PTPRN2: variants seen among roughly 807,000 people sequenced by gnomAD.
PTPRN2 encodes the protein receptor-type tyrosine-protein phosphatase N2.
In PTPRN2, 74 loss-of-function variants were observed where a neutral mutation model predicts 118.8. That is an observed-to-expected ratio of 0.62 (90% CI 0.52 to 0.76). The LOEUF is 0.76. PTPRN2 is among the 30% of genes least tolerant of loss of function. The probability of loss-of-function intolerance (pLI) is 0.00; values close to 1 mark genes in which losing one functional copy is unlikely to be tolerated. For missense variants in PTPRN2, 1,481 were observed against 1,394.4 expected, an observed-to-expected ratio of 1.06 and a Z score of -0.99; for synonymous variants, 641 against 608.0, an observed-to-expected ratio of 1.05 and a Z score of -0.80.
chr7:158,111,942 T>A (rs1391318162), intron 9 of PTPRN2, among the ~76,000 whole-genome samples: 1 of 152,130 alleles, frequency 6.6e-6, no homozygotes, highest in East Asian at 1.9e-4. Flanking sequence ...GGTGTCCGTA[T>A]AAAAGGAGGG....
At chr7:157,883,181 A>G (rs62478062) in intron 12 of PTPRN2, among the ~76,000 whole-genome samples, 132,296 of 150,694 alleles carry the variant, frequency 0.88, 58,258 homozygotes, top group East Asian at 0.99. Context: ...TCGGAGATCA[A>G]AACACATCAC....
At chr7:157,689,982 C>G (rs1398869959) in intron 12 of PTPRN2, among the ~76,000 whole-genome samples, 1 of 152,200 alleles carries the variant, frequency 6.6e-6, no homozygotes, top group Non-Finnish European at 1.5e-5. Flanking sequence ...CCTGGCTGCT[C>G]GCCCCTTCCC....
intron 4 of PTPRN2, among the ~76,000 whole-genome samples, chr7:158,193,493 G>A (rs1825942668): frequency 2.6e-5 from 4 of 152,252 alleles, no homozygotes; most frequent in Admixed American, 2.6e-4. Context: ...GACTCCCCAT[G>A]TTTATGGGGA....
intron 3 of PTPRN2, among the ~76,000 whole-genome samples, chr7:158,208,815 G>T (rs948570750): frequency 1.3e-5 from 2 of 152,104 alleles, no homozygotes; most frequent in African/African-American, 4.8e-5. Context: ...AAGACTAAAA[G>T]ATGAACTTAT....
intron 22 of PTPRN2, among the ~76,000 whole-genome samples, chr7:157,543,836 C>T (rs985763781): frequency 1.3e-5 from 2 of 152,184 alleles, no homozygotes; most frequent in Non-Finnish European, 2.9e-5. Flanking sequence ...TTCAGCTTCT[C>T]TTTTCACAAA....
At chr7:158,322,574 G>A (rs1803122364) in intron 2 of PTPRN2, among the ~76,000 whole-genome samples, 1 of 151,832 alleles carries the variant, frequency 6.6e-6, no homozygotes, top group African/African-American at 2.4e-5. Context: ...GCAGCACCTG[G>A]CCCCAGTGGG....
intron 11 of PTPRN2, among the ~76,000 whole-genome samples, chr7:157,958,470 C>T (rs182562641): frequency 2.2e-4 from 34 of 152,288 alleles, no homozygotes; most frequent in Middle Eastern, 3.4e-3. Flanking sequence ...TTTCTGTTCA[C>T]TTATGATATG....
intron 12 of PTPRN2, among the ~76,000 whole-genome samples, chr7:157,694,818 A>C (rs1380965267): frequency 6.6e-6 from 1 of 151,744 alleles, no homozygotes; most frequent in Non-Finnish European, 1.5e-5. Context: ...AATAAATTTC[A>C]ATTTACATGA....
At chr7:158,355,539 G>T (rs557996886) in intron 2 of PTPRN2, among the ~76,000 whole-genome samples, 1 of 152,234 alleles carries the variant, frequency 6.6e-6, no homozygotes, top group African/African-American at 2.4e-5. Context: ...CCTGCAATGG[G>T]CTGGCCACCA....
intron 14 of PTPRN2, among the ~76,000 whole-genome samples, chr7:157,655,829 T>C (rs1806039870): frequency 6.6e-6 from 1 of 151,998 alleles, no homozygotes; most frequent in African/African-American, 2.4e-5. Context: ...GCGAGGACCC[T>C]GGAAAAGGCC....
At chr7:158,098,458 C>T (rs1814853710) in intron 10 of PTPRN2, among the ~76,000 whole-genome samples, 1 of 152,214 alleles carries the variant, frequency 6.6e-6, no homozygotes. Flanking sequence ...CAGGACTGAG[C>T]CTGGCAAAGC....
intron 11 of PTPRN2, among the ~76,000 whole-genome samples, chr7:157,945,231 C>A (rs552621669): frequency 1.2e-4 from 19 of 152,258 alleles, no homozygotes; most frequent in African/African-American, 4.6e-4. Context: ...ACCTCATGAG[C>A]CCTCATGGTT....
In PTPRN2 at chr7:158,563,065, G is replaced by A. The variant is rs965730303; in HGVS notation, c.112+24493C>T. On this transcript the variant is annotated intron_variant, in intron 1 of 22. Transcript: ENST00000389418. This position sits in a 1 kb window ranked among gnomAD's most constrained non-coding sequence, Gnocchi z 5.1. ...TCCTGGTTTCAGAGAAATCAACCAC[G>A]GCCACAGCCTCGTCCACATAGAGCC... is the stretch of plus-strand genomic sequence containing the variant. Among the ~76,000 whole-genome samples the A allele has an allele frequency of 4.6e-5, 7 of 152,208 alleles. No individual in the cohort carries two copies. The highest frequency in any genetic ancestry group is 3.4e-3 in the Middle Eastern group (1 of 294).
intron 10 of PTPRN2, among the ~76,000 whole-genome samples, chr7:158,097,876 C>A (rs1274843731): frequency 1.4e-4 from 21 of 152,224 alleles, no homozygotes; most frequent in Admixed American, 1.4e-3. Flanking sequence ...GCAGGAGAGT[C>A]TGAGAGTGAC....
intron 3 of PTPRN2, among the ~76,000 whole-genome samples, chr7:158,273,511 GACA>G (rs1563072826): frequency 3.6e-4 from 48 of 134,042 alleles, no homozygotes; most frequent in Admixed American, 6.6e-4. Context: ...GGGAGCCGCA[GACA>G]GACATGGGAG....
At position 157,845,324 on chromosome 7, in the gene PTPRN2, G is replaced by A. The variant is rs1033565149; in HGVS notation, c.1788+53349C>T. Among the ~76,000 whole-genome samples, 8 of 152,176 alleles carry A rather than the reference G, an allele frequency of 5.3e-5. No individual in the cohort carries two copies. The East Asian group carries it at 9.7e-4, about 18-fold the overall frequency. On this transcript the variant is annotated intron_variant, in intron 12 of 22. Transcript: ENST00000389418. This position sits in a 1 kb window ranked among gnomAD's most constrained non-coding sequence, Gnocchi z 4.5. ...CCAGAGGACATACACAGAGTGATCCGCCCTCTTTTCCCTGGTGAATCACGC... is the reference window on the plus strand; with the variant it reads ...CCAGAGGACATACACAGAGTGATCCACCCTCTTTTCCCTGGTGAATCACGC...
In PTPRN2 at chr7:158,081,341, G is replaced by A. The variant is rs1321022077; in HGVS notation, c.1680C>T (p.Ala560=). Residue 560 remains alanine, a synonymous_variant, in exon 11 of 23, where the codon GCC becomes GCT. Coordinates refer to ENST00000389418, the MANE Select transcript of PTPRN2 (RefSeq NM_002847.5). ...LGPAVTFKVS[A]NVQNVTTEDV... is the part of the protein sequence containing the mutation. ...CCTCAGTGGTCACGTTTTGGACATT[G>A]GCGCTCACTTTGAAGGTCACTGCTG... 4 of 1,614,042 alleles carry A rather than the reference G, an allele frequency of 2.5e-6. No homozygotes were observed. The highest frequency in any genetic ancestry group is 1.3e-5 in the African/African-American group (1 of 74,920).
At chr7:158,583,812 A>G (rs750985070) in intron 1 of PTPRN2, among the ~76,000 whole-genome samples, 4 of 152,190 alleles carry the variant, frequency 2.6e-5, no homozygotes, top group Non-Finnish European at 5.9e-5. Flanking sequence ...AAGCTCACAG[A>G]TGTGCAAGGA....
chr7:158,055,464 C>A (rs374654690), intron 11 of PTPRN2, among the ~76,000 whole-genome samples: 1 of 152,188 alleles, frequency 6.6e-6, no homozygotes, highest in Non-Finnish European at 1.5e-5. Context: ...CACTCCTCCA[C>A]CTCTTGTGGA....
Sources: allele counts gnomAD v4.1 joint callset (sites outside exome capture counted in the v4.1 genomes callset), GRCh38; gene constraint gnomAD v4.1.1; non-coding constraint Gnocchi (gnomAD v3.1); transcripts MANE v1.5; gene names NCBI Gene and HGNC (gene_info 2026-07-23, HGNC 2026-07-21).